RAB42: variants seen among roughly 807,000 people sequenced by gnomAD.
RAB42 encodes ras-related protein Rab-42.
A neutral mutation model predicts 7.5 loss-of-function variants in RAB42; 4 were observed. That is an observed-to-expected ratio of 0.53 (90% CI 0.26 to 1.22). The LOEUF is 1.22. RAB42 is among the 50% of genes most tolerant of loss of function. RAB42 has a pLI of 0.13. For synonymous variants in RAB42, 82 were observed against 129.0 expected (o/e 0.64, Z 2.47); for missense variants, 208 against 281.2 (o/e 0.74, Z 1.86).
chr1:28,594,018 C>A lies in RAB42; in HGVS notation c.558C>A (p.Ile186=). 10 of 1,613,910 alleles carry A rather than the reference C, an allele frequency of 6.2e-6. No homozygotes were observed. Among genetic ancestry groups the A allele is most frequent in the Non-Finnish European group, 8.5e-6 (10 of 1,179,864 alleles). Residue 186 remains isoleucine, a synonymous_variant, in exon 2 of 2, where the codon ATC becomes ATA. Transcript: ENST00000465518. ...AGCAGGCCCTGCAGCAGGGGGACAT[C>A]AAGCTAGAAGAGGGCTGGGGGGGTG... The part of the protein sequence containing the change: ...AIQQALQQGD[I]KLEEGWGGVR...
Position 28,594,065 on chromosome 1 carries a change from A to G in RAB42, c.605A>G (p.Gln202Arg), listed in dbSNP as rs761786439. Residue 202 changes from glutamine (Q) to arginine (R), a missense_variant, in exon 2 of 2, where the codon CAA (glutamine) becomes CGA (arginine). Gln to Arg is a conservative substitution (Grantham distance 43). Transcript: ENST00000465518. ...GGTGTCCGGCTCATCCACAAGACCCAAATCCCCAGGTCCCCCAGCAGGAAG... is the reference window on the plus strand; with the variant it reads ...GGTGTCCGGCTCATCCACAAGACCCGAATCCCCAGGTCCCCCAGCAGGAAG... Reference protein sequence around the residue: ...WGGVRLIHKTQIPRSPSRKQH... With the variant: ...WGGVRLIHKTRIPRSPSRKQH... 1 of 1,612,150 alleles carries G rather than the reference A, an allele frequency of 6.2e-7. No homozygotes were observed. Among genetic ancestry groups the G allele is most frequent in the Admixed American group, 1.7e-5 (1 of 59,874 alleles).
At position 28,594,006 on chromosome 1, in the gene RAB42, G is replaced by T. The variant is rs754498996; in HGVS notation, c.546G>T (p.Gln182His). The T allele has an allele frequency of 1.3e-5, 21 of 1,613,828 alleles. No homozygotes were observed. The highest frequency in any genetic ancestry group is 1.6e-5 in the Non-Finnish European group (19 of 1,179,868). ...CTGATGCTATCCAGCAGGCCCTGCA[G>T]CAGGGGGACATCAAGCTAGAAGAGG... Reference protein sequence around the residue: ...TLADAIQQALQQGDIKLEEGW... With the variant: ...TLADAIQQALHQGDIKLEEGW... The change falls in exon 2 of 2, where the codon CAG becomes CAT. Residue 182 changes from glutamine (Q) to histidine (H), a missense_variant. By Grantham distance (24) the Gln-to-His change is conservative. Coordinates refer to ENST00000465518, the MANE Select transcript of RAB42 (RefSeq NM_001193532.3).
At chr1:28,595,773 G>A (rs1291921256), downstream of RAB42, among the ~76,000 whole-genome samples, 3 of 152,126 alleles carry the variant, frequency 2.0e-5, no homozygotes, top group East Asian at 5.8e-4. Flanking sequence ...TGGGTGTGGT[G>A]GCTCATGCCT....
Position 28,593,560 on chromosome 1 carries a change from G to A in RAB42, c.234-134G>A, listed in dbSNP as rs1039088098. On this transcript the variant is annotated intron_variant, in intron 1 of 1. Coordinates refer to ENST00000465518, the MANE Select transcript of RAB42 (RefSeq NM_001193532.3). Reference sequence around the variant, plus strand: ...CACAGACACCGAGGCAGAGAACCACGGGGCCGTGTGAAGTGAGCCCTGTTG... The same window carrying A: ...CACAGACACCGAGGCAGAGAACCACAGGGCCGTGTGAAGTGAGCCCTGTTG... 1.2e-5 allele frequency: 12 copies of A among 1,010,592 alleles called. No individual in the cohort carries two copies. The African/African-American group carries it at 1.3e-4, about 11-fold the overall frequency. 62.6% of individuals were successfully genotyped at this position (1,010,592 alleles called of 1,614,324 possible). A position where few individuals can be genotyped will look rare whatever the true frequency, so the allele number is the denominator to read the frequency against.
chr1:28,595,534 A>G (rs887913255), downstream of RAB42: 15 of 159,842 alleles, frequency 9.4e-5, no homozygotes, highest in African/African-American at 3.4e-4. Flanking sequence ...GGAAGGCTTC[A>G]TGGAAGAGAC....
rs764962162 is a variant in RAB42, at chr1:28,594,075, G to T, written c.615G>T (p.Arg205Ser). ...TCATCCACAAGACCCAAATCCCCAG[G>T]TCCCCCAGCAGGAAGCAGCACTCAG... ...VRLIHKTQIP[R>S]SPSRKQHSGP... is the part of the protein sequence containing the mutation. Residue 205 changes from arginine to serine, a missense_variant, in exon 2 of 2, where the codon AGG becomes AGT. Coordinates refer to ENST00000465518, the MANE Select transcript of RAB42 (RefSeq NM_001193532.3). 6.2e-7 allele frequency: 1 copy of T among 1,610,378 alleles called. No individual in the cohort carries two copies. Among genetic ancestry groups the T allele is most frequent in the Non-Finnish European group, 8.5e-7 (1 of 1,177,724 alleles).
intron 1 of RAB42, 51 bp from the exon 2 acceptor site, chr1:28,593,643 T>G (rs965892823): frequency 8.7e-6 from 13 of 1,487,742 alleles, no homozygotes; most frequent in Non-Finnish European, 1.2e-5. Context: ...GGGGGTGTCA[T>G]GGAGGCATCA....
intron 1 of RAB42, among the ~76,000 whole-genome samples, chr1:28,593,230 GTCTC>G (rs756490610): frequency 3.0e-4 from 45 of 151,502 alleles, no homozygotes; most frequent in Non-Finnish European, 4.6e-4. Context: ...TTGAGACGGA[GTCTC>G]TCTCTGTCGC....
chr1:28,592,443 GC>G lies in RAB42; in HGVS notation c.-65del, dbSNP rs958663691. 8.4e-5 allele frequency: 68 copies of G among 808,534 alleles called. No individual in the cohort carries two copies. Among genetic ancestry groups the G allele is most frequent in the Non-Finnish European group, 1.0e-4 (65 of 632,488 alleles). The allele number at this position is 808,534 out of a possible 1,614,324, so 50.1% of individuals were successfully genotyped here. A position where few individuals can be genotyped will look rare whatever the true frequency, so the allele number is the denominator to read the frequency against. ...GGGAGCGGGGGGCGGCGCCGGCGGG[GC>G]CCCGGGCAGGGGCGGGGTCGGGGCG... is the stretch of plus-strand genomic sequence containing the variant. On this transcript the variant is annotated 5_prime_UTR_variant, in exon 1 of 2. Coordinates refer to ENST00000465518, the MANE Select transcript of RAB42 (RefSeq NM_001193532.3). The surrounding 1 kb of genome is among the most constrained non-coding windows in gnomAD (Gnocchi z 4.1).
chr1:28,592,869 C>T lies in RAB42; in HGVS notation c.233+125C>T, dbSNP rs1049861225. 1 of 416,634 alleles carries T rather than the reference C, an allele frequency of 2.4e-6. No homozygotes were observed. The highest frequency in any genetic ancestry group is 6.3e-4 in the Middle Eastern group (1 of 1,590). 25.8% of individuals were successfully genotyped at this position (416,634 alleles called of 1,614,324 possible). On this transcript the variant is annotated intron_variant, in intron 1 of 1. Coordinates refer to ENST00000465518, the MANE Select transcript of RAB42 (RefSeq NM_001193532.3). The surrounding 1 kb of genome is among the most constrained non-coding windows in gnomAD (Gnocchi z 4.1). ...GGAGGGCGAGGTCCCTGCCCTGGGT[C>T]CCGCCCGGTCCACTGGGGCCAGAAC... is the stretch of plus-strand genomic sequence containing the variant.
rs1440001320 is a variant in RAB42 at position 28,594,833 on chromosome 1, A to G, written c.*716A>G. 2 of 167,148 alleles carry G rather than the reference A, an allele frequency of 1.2e-5. No homozygotes were observed. The highest frequency in any genetic ancestry group is 2.9e-5 in the Non-Finnish European group (2 of 68,154). 10.4% of individuals were successfully genotyped at this position (167,148 alleles called of 1,614,324 possible). On this transcript the variant is annotated 3_prime_UTR_variant, in exon 2 of 2. Coordinates refer to ENST00000465518, the MANE Select transcript of RAB42 (RefSeq NM_001193532.3). Reference sequence around the variant, plus strand: ...CCACTCTGGCAGCATTCCTGGGCTCAGACACTGAGAAGCCAGCGTCAGGAA... The same window carrying G: ...CCACTCTGGCAGCATTCCTGGGCTCGGACACTGAGAAGCCAGCGTCAGGAA...
chr1:28,592,688 G>C lies in RAB42; in HGVS notation c.177G>C (p.Arg59=), dbSNP rs1363195257. 1 of 1,229,674 alleles carries C rather than the reference G, an allele frequency of 8.1e-7. No homozygotes were observed. The highest frequency in any genetic ancestry group is 1.6e-5 in the African/African-American group (1 of 64,268). 76.2% of individuals were successfully genotyped at this position (1,229,674 alleles called of 1,614,324 possible). Residue 59 remains arginine (R), a synonymous_variant, in exon 1 of 2, where the codon CGG becomes CGC. Coordinates refer to ENST00000465518, the MANE Select transcript of RAB42 (RefSeq NM_001193532.3). This position sits in a 1 kb window ranked among gnomAD's most constrained non-coding sequence, Gnocchi z 4.1. ...GCTACCGCCGCGCGCTGCAGCTGCGGGCCGGGCCGCGGGTCAAGCTGCAAC... is the reference window on the plus strand; with the variant it reads ...GCTACCGCCGCGCGCTGCAGCTGCGCGCCGGGCCGCGGGTCAAGCTGCAAC... The part of the protein sequence containing the change: ...AECYRRALQL[R]AGPRVKLQLW...
At position 28,595,282 on chromosome 1, in the gene RAB42, AC is replaced by A. The variant is rs1459964634; in HGVS notation, c.*1166del. 1 of 166,288 alleles carries A rather than the reference AC, an allele frequency of 6.0e-6. No individual in the cohort carries two copies. The highest frequency in any genetic ancestry group is 2.4e-5 in the African/African-American group (1 of 41,102). The allele number at this position is 166,288 out of a possible 1,614,324, so 10.3% of individuals were successfully genotyped here. ...CTCCCTCTTGCCCCAGCTCTGGACA[AC>A]TCTGAAAGTCAAAACCAACTTTATC... On this transcript the variant is annotated 3_prime_UTR_variant, in exon 2 of 2. Coordinates refer to ENST00000465518, the MANE Select transcript of RAB42 (RefSeq NM_001193532.3).
At chr1:28,593,578 C>G (rs1666367341) in intron 1 of RAB42, 116 bp from the exon 2 acceptor site, 1 of 1,136,078 alleles carries the variant, frequency 8.8e-7, no homozygotes, top group Admixed American at 2.8e-5. Context: ...GTGAAGTGAG[C>G]CCTGTTGGGG....
In RAB42 at chr1:28,594,417, A is replaced by C; in HGVS notation, c.*300A>C. The C allele has an allele frequency of 7.1e-6, 2 of 282,294 alleles. No homozygotes were observed. Among genetic ancestry groups the C allele is most frequent in the Non-Finnish European group, 1.4e-5 (2 of 147,200 alleles). The allele number at this position is 282,294 out of a possible 1,614,324, so 17.5% of individuals were successfully genotyped here. Reference sequence around the variant, plus strand: ...TGGTGAAACCCTGTCTCTACTAAAAATACAAAAATTAGCCAGGCGTGGTGG... The same window carrying C: ...TGGTGAAACCCTGTCTCTACTAAAACTACAAAAATTAGCCAGGCGTGGTGG... On this transcript the variant is annotated 3_prime_UTR_variant, in exon 2 of 2. Transcript: ENST00000465518.
downstream of RAB42, among the ~76,000 whole-genome samples, chr1:28,595,740 A>G (rs1348398299): frequency 1.3e-5 from 2 of 151,996 alleles, no homozygotes; most frequent in Admixed American, 6.6e-5. Context: ...AACCCTGTCT[A>G]TACTAAAAAT....
intron 1 of RAB42, among the ~76,000 whole-genome samples, chr1:28,593,242 C>T (rs935616868): frequency 5.9e-5 from 9 of 151,440 alleles, no homozygotes; most frequent in Non-Finnish European, 1.2e-4. Flanking sequence ...CTCTCTCTGT[C>T]GCCCAGGCTG....
In RAB42 at chr1:28,593,816, C is replaced by T. The variant is rs1471873254; in HGVS notation, c.356C>T (p.Pro119Leu). The T allele has an allele frequency of 8.9e-6, 14 of 1,567,148 alleles. No homozygotes were observed. The highest frequency in any genetic ancestry group is 3.8e-5 in the Admixed American group (2 of 52,310). Residue 119 changes from proline (P) to leucine (L), a missense_variant, in exon 2 of 2, where the codon CCG becomes CTG. Pro to Leu is a moderately conservative substitution (Grantham distance 98, BLOSUM62 -3). Transcript: ENST00000465518. ...CAGGAGGTCATGGCCACTCAGGGCC[C>T]GGACAAGGTCATCTTCCTGCTGGTT... ...WHQEVMATQG[P>L]DKVIFLLVGH...
rs1666346336 is a variant in RAB42 at position 28,592,756 on chromosome 1, CG to C, written c.233+16del. 8.3e-7 allele frequency: 1 copy of C among 1,204,876 alleles called. No individual in the cohort carries two copies. The highest frequency in any genetic ancestry group is 1.0e-6 in the Non-Finnish European group (1 of 963,940). The allele number at this position is 1,204,876 out of a possible 1,614,324, so 74.6% of individuals were successfully genotyped here. On this transcript the variant is annotated intron_variant, in intron 1 of 1. Coordinates refer to ENST00000465518, the MANE Select transcript of RAB42 (RefSeq NM_001193532.3). This position sits in a 1 kb window ranked among gnomAD's most constrained non-coding sequence, Gnocchi z 4.1. Reference sequence around the variant, plus strand: ...CACGAGCGCTTCAGGTGCGGGTAGCCGGGGCGCGGGAGGGACTTCTGGTGGG... The same window carrying C: ...CACGAGCGCTTCAGGTGCGGGTAGCCGGGCGCGGGAGGGACTTCTGGTGGG...
Sources: gnomAD v4.1 joint callset for allele counts (sites outside exome capture counted in the v4.1 genomes callset) on GRCh38, gnomAD v4.1.1 for gene constraint, Gnocchi (gnomAD v3.1) non-coding constraint, MANE v1.5 for transcripts, NCBI Gene and HGNC (gene_info 2026-07-23, HGNC 2026-07-21) for gene names.